The following ARHGAP22 variants were observed in gnomAD, a reference collection of about 807,000 sequenced individuals.
ARHGAP22 encodes Rho GTPase activating protein 22.
Under a neutral mutation model 59.1 loss-of-function variants are expected in ARHGAP22, and 48 were observed. The observed-to-expected ratio is 0.81, with a 90% CI of 0.64 to 1.03. The LOEUF (loss-of-function observed/expected upper bound fraction) is 1.03. ARHGAP22 is among the 50% of genes least tolerant of loss of function. The probability of loss-of-function intolerance (pLI) is 0.00; values close to 1 mark genes in which losing one functional copy is unlikely to be tolerated. For missense variants in ARHGAP22, 1,015 were observed against 958.7 expected, an observed-to-expected ratio of 1.06 and a Z score of -0.78; for synonymous variants, 445 against 416.4, an observed-to-expected ratio of 1.07 and a Z score of -0.84.
intron 3 of ARHGAP22, among the ~76,000 whole-genome samples, chr10:48,486,107 T>G (rs1178016596): frequency 1.3e-5 from 2 of 152,034 alleles, no homozygotes; most frequent in African/African-American, 4.8e-5. Flanking sequence ...AAAATCTCAC[T>G]CTCTTCATGC....
In ARHGAP22 at chr10:48,453,198, C is replaced by T. The variant is rs186897032; in HGVS notation, c.988+106G>A. The T allele has an allele frequency of 1.1e-3, 1,739 of 1,529,252 alleles. 10 individuals carry two copies. In the Middle Eastern group the frequency reaches 0.017, roughly 15 times the overall value. 94.7% of individuals were successfully genotyped at this position (1,529,252 alleles called of 1,614,324 possible). Reference sequence around the variant, plus strand: ...AGATGTGCCACCTGAGCCACCCCTCCTGCTGGCCTGGCCCTGGGCTGGGAT... The same window carrying T: ...AGATGTGCCACCTGAGCCACCCCTCTTGCTGGCCTGGCCCTGGGCTGGGAT... On this transcript the variant is annotated intron_variant, in intron 8 of 9. Coordinates refer to ENST00000249601, the MANE Select transcript of ARHGAP22 (RefSeq NM_021226.4).
intron 3 of ARHGAP22, among the ~76,000 whole-genome samples, chr10:48,492,417 A>T (rs1299610810): frequency 1.3e-5 from 2 of 152,246 alleles, no homozygotes; most frequent in Non-Finnish European, 2.9e-5. Flanking sequence ...AAGTGTCTAG[A>T]TGCAGCCGTC....
chr10:48,604,764 C>T lies in ARHGAP22; in HGVS notation c.33G>A (p.Arg11=). Residue 11 remains arginine (R), a splice_region_variant and synonymous_variant, in exon 1 of 10, where the codon AGG becomes AGA. Coordinates refer to ENST00000249601, the MANE Select transcript of ARHGAP22 (RefSeq NM_021226.4). The stretch of plus-strand genomic sequence containing the variant: ...GAAACCCCAGAAAGTTGGACTTACC[C>T]CTCCTGGCCTGCCTGATCTTTGGGC... MLSPKIRQAR[R]ARSKSLVMGE... is the part of the protein sequence containing the mutation. 6.2e-7 allele frequency: 1 copy of T among 1,614,230 alleles called. No homozygotes were observed. The highest frequency in any genetic ancestry group is 8.5e-7 in the Non-Finnish European group (1 of 1,180,038).
chr10:48,490,891 A>G (rs117740875), intron 3 of ARHGAP22, among the ~76,000 whole-genome samples: 131 of 152,242 alleles, frequency 8.6e-4, no homozygotes, highest in East Asian at 7.2e-3. Context: ...AACCGGACAC[A>G]TCCTTGCTCC....
upstream of ARHGAP22, among the ~76,000 whole-genome samples, chr10:48,653,983 G>A (rs2062658946): frequency 6.6e-6 from 1 of 152,210 alleles, no homozygotes; most frequent in Non-Finnish European, 1.5e-5. Flanking sequence ...TGGGTATCCT[G>A]TATTTTATCT....
At chr10:48,540,783 G>C (rs552727933) in intron 3 of ARHGAP22, among the ~76,000 whole-genome samples, 1 of 152,088 alleles carries the variant, frequency 6.6e-6, no homozygotes, top group East Asian at 2.0e-4. Flanking sequence ...TCTGCTTTTG[G>C]ATGATTGCTC....
chr10:48,486,406 C>T (rs2049864881), intron 3 of ARHGAP22, among the ~76,000 whole-genome samples: 1 of 151,804 alleles, frequency 6.6e-6, no homozygotes, highest in Non-Finnish European at 1.5e-5. Context: ...GGTGCAATCT[C>T]GGCTCACCGC....
intron 1 of ARHGAP22, among the ~76,000 whole-genome samples, chr10:48,590,781 A>T: frequency 7.3e-6 from 1 of 136,310 alleles, no homozygotes; most frequent in East Asian, 2.3e-4. Flanking sequence ...GGGACTCTGG[A>T]GGTGGTCATG....
chr10:48,607,735 C>A (rs1379436720), upstream of ARHGAP22, among the ~76,000 whole-genome samples: 1 of 152,272 alleles, frequency 6.6e-6, no homozygotes, highest in Non-Finnish European at 1.5e-5. Flanking sequence ...TCCTTCTCCA[C>A]TGCCCTGTGC....
At chr10:48,482,029 T>C (rs1564739522) in intron 3 of ARHGAP22, among the ~76,000 whole-genome samples, 2 of 152,246 alleles carry the variant, frequency 1.3e-5, no homozygotes, top group African/African-American at 4.8e-5. Flanking sequence ...ATATTTGCTT[T>C]GCAAATATTT....
intron 1 of ARHGAP22, among the ~76,000 whole-genome samples, chr10:48,636,496 T>C (rs931227289): frequency 1.3e-5 from 2 of 152,188 alleles, no homozygotes; most frequent in Non-Finnish European, 2.9e-5. Flanking sequence ...TTCTCCCTGC[T>C]CTGAGACCCT....
chr10:48,525,410 T>C (rs1177562574), intron 3 of ARHGAP22, among the ~76,000 whole-genome samples: 1 of 152,156 alleles, frequency 6.6e-6, no homozygotes, highest in Non-Finnish European at 1.5e-5. Context: ...CCTTCTCTAC[T>C]AAAAATACAA....
At position 48,583,017 on chromosome 10, in the gene ARHGAP22, C is replaced by CT; in HGVS notation, c.169_170insA (p.Arg57GlnfsTer18). On this transcript the variant is annotated frameshift_variant, in exon 2 of 10. Transcript: ENST00000249601. LOFTEE classifies it high-confidence loss of function. ...CTGATCCCCACGCAGCACAAACCAG[C>CT]GCTGCTGCCAGTTCTTCATGATGCT... 6.2e-7 allele frequency: 1 copy of CT among 1,614,268 alleles called. No homozygotes were observed. The highest frequency in any genetic ancestry group is 8.5e-7 in the Non-Finnish European group (1 of 1,180,048).
the ARHGAP22 span, chr10:48,438,794 C>G: frequency 6.6e-6 from 1 of 152,106 alleles, no homozygotes; most frequent in South Asian, 2.1e-4. Context: ...CGTGTAAAAT[C>G]TTTGACTGTA....
intron 3 of ARHGAP22, among the ~76,000 whole-genome samples, chr10:48,522,911 T>C (rs762700663): frequency 6.6e-6 from 1 of 152,238 alleles, no homozygotes; most frequent in East Asian, 1.9e-4. Context: ...CATTTTCCCT[T>C]GACCTCTCTA....
intron 2 of ARHGAP22, among the ~76,000 whole-genome samples, chr10:48,579,062 T>A (rs1365668483): frequency 1.3e-5 from 2 of 152,112 alleles, no homozygotes; most frequent in Non-Finnish European, 2.9e-5. Context: ...TTTGCCATCT[T>A]ATTTATTAGT....
intron 1 of ARHGAP22, among the ~76,000 whole-genome samples, chr10:48,620,490 C>A (rs903266464): frequency 2.0e-5 from 3 of 152,154 alleles, no homozygotes; most frequent in Non-Finnish European, 4.4e-5. Context: ...CTGTGCAATG[C>A]CACAGGGTTG....
intron 1 of ARHGAP22, among the ~76,000 whole-genome samples, chr10:48,621,997 A>AT (rs1217238706): frequency 6.6e-6 from 1 of 151,876 alleles, no homozygotes; most frequent in Non-Finnish European, 1.5e-5. Context: ...TTCATGGAGT[A>AT]TTTTTTTCTA....
At chr10:48,434,757 G>T in the ARHGAP22 span, 3 of 663,490 alleles carry the variant, frequency 4.5e-6, no homozygotes, top group Admixed American at 6.5e-5. Context: ...TATCATTTGC[G>T]ATTATTTTTA....
Sources: gnomAD v4.1 joint callset for allele counts (sites outside exome capture counted in the v4.1 genomes callset) on GRCh38, gnomAD v4.1.1 for gene constraint, MANE v1.5 for transcripts, NCBI Gene and HGNC (gene_info 2026-07-23, HGNC 2026-07-21) for gene names.